Variants in KRR1 observed in about 807,000 individuals in gnomAD.
KRR1 encodes the protein KRR1 small subunit processome component.
KRR1 carries 23 observed loss-of-function variants against 50.0 expected under a neutral mutation model. The ratio of observed to expected loss-of-function variants is 0.46; its 90% CI spans 0.33 to 0.65. KRR1 has a LOEUF of 0.65. KRR1 is among the 30% of genes least tolerant of loss of function. The pLI is 0.02. For missense variants in KRR1, 419 were observed against 442.4 expected (o/e 0.95, Z 0.47); for synonymous variants, 133 against 146.3 (o/e 0.91, Z 0.66).
At position 75,506,796 on chromosome 12, in the gene KRR1, C is replaced by T; in HGVS notation, c.379G>A (p.Val127Ile). The change falls in exon 3 of 10, where the codon GTT becomes ATT. Residue 127 changes from valine to isoleucine, a missense_variant. Physicochemically the swap from Val to Ile is conservative, Grantham distance 29. Transcript: ENST00000229214. ...RDLIKLLARSVSFEQAVRILQ... is the reference protein window; with the variant it reads ...RDLIKLLARSISFEQAVRILQ... ...TCTAGATTTACCTGTTCAAATGAAA[C>T]ACTCCTTGCTAACAGTTTTATCAGA... 6.2e-7 allele frequency: 1 copy of T among 1,610,916 alleles called. No homozygotes were observed. Among genetic ancestry groups the T allele is most frequent in the Non-Finnish European group, 8.5e-7 (1 of 1,178,778 alleles).
rs2046365017 is a variant in KRR1, at chr12:75,498,400, T to C, written c.*1409A>G. 1 of 228,736 alleles carries C rather than the reference T, an allele frequency of 4.4e-6. No homozygotes were observed. The highest frequency in any genetic ancestry group is 2.3e-5 in the African/African-American group (1 of 43,970). 14.2% of individuals were successfully genotyped at this position (228,736 alleles called of 1,614,324 possible). A position where few individuals can be genotyped will look rare whatever the true frequency, so the allele number is the denominator to read the frequency against. On this transcript the variant is annotated 3_prime_UTR_variant, in exon 10 of 10. Coordinates refer to ENST00000229214, the MANE Select transcript of KRR1 (RefSeq NM_007043.7). ...CTCACATTCTAATATTTAATTTTTATTTTTTAAATTTTATTACCTGCTAGG... is the reference window on the plus strand; with the variant it reads ...CTCACATTCTAATATTTAATTTTTACTTTTTAAATTTTATTACCTGCTAGG...
intron 5 of KRR1, 88 bp from the exon 6 acceptor site, chr12:75,505,342 G>A: frequency 7.9e-7 from 1 of 1,265,574 alleles, no homozygotes; most frequent in Admixed American, 2.8e-5. Context: ...TCAGGTAATG[G>A]GTACCAAATT....
chr12:75,501,687 A>G (rs1400779864), intron 9 of KRR1, 36 bp downstream of exon 9: 1 of 1,353,506 alleles, frequency 7.4e-7, no homozygotes, highest in Non-Finnish European at 1.0e-6. Context: ...TACTTTTCCT[A>G]ATTAATAAAG....
chr12:75,497,128 T>A lies in KRR1; in HGVS notation c.*2681A>T, dbSNP rs2046356290. On this transcript the variant is annotated 3_prime_UTR_variant, in exon 10 of 10. Coordinates refer to ENST00000229214, the MANE Select transcript of KRR1 (RefSeq NM_007043.7). ...CAGTATGCCAAGTTTTGGTGCAATT[T>A]CCAGTTTGACCACTGTGACTTTGGG... The A allele has an allele frequency of 6.6e-6, 1 of 152,194 alleles. No individual in the cohort carries two copies. The highest frequency in any genetic ancestry group is 2.4e-5 in the African/African-American group (1 of 41,438). The allele number at this position is 152,194 out of a possible 1,614,324, so 9.4% of individuals were successfully genotyped here.
In KRR1 at chr12:75,495,331, C is replaced by T. The variant is rs2046343887; in HGVS notation, c.*4478G>A. The T allele has an allele frequency of 5.3e-6, 2 of 380,044 alleles. No individual in the cohort carries two copies. The highest frequency in any genetic ancestry group is 4.0e-5 in the Admixed American group (1 of 25,036). The allele number at this position is 380,044 out of a possible 1,614,324, so 23.5% of individuals were successfully genotyped here. ...ATCTGTAAAACAAGAATAACTTCCT[C>T]TCAGAGCTGTCACAATTAAATGGGA... On this transcript the variant is annotated 3_prime_UTR_variant, in exon 10 of 10. Transcript: ENST00000229214.
chr12:75,507,407 T>C (rs1253027394), intron 2 of KRR1, among the ~76,000 whole-genome samples: 1 of 152,172 alleles, frequency 6.6e-6, no homozygotes. Flanking sequence ...ATTAGAAAAC[T>C]TAAGCATTAA....
chr12:75,501,816 C>A lies in KRR1; in HGVS notation c.910G>T (p.Ala304Ser). 6.3e-7 allele frequency: 1 copy of A among 1,597,514 alleles called. No individual in the cohort carries two copies. Among genetic ancestry groups the A allele is most frequent in the African/African-American group, 1.3e-5 (1 of 74,280 alleles). ...KKRQKMEAIK[A>S]KQAEAISKRQ... ...TTACTGATGGCTTCTGCTTGTTTAG[C>A]CTACATTAATAAATAAAAAATATAT... is the stretch of plus-strand genomic sequence containing the variant. The change falls in exon 9 of 10, where the codon GCT (alanine) becomes TCT (serine). Residue 304 changes from alanine to serine, a missense_variant and splice_region_variant. Transcript: ENST00000229214.
intron 9 of KRR1, chr12:75,501,370 T>G (rs2120596491): frequency 5.3e-6 from 1 of 189,418 alleles, no homozygotes; most frequent in East Asian, 1.4e-4. Context: ...AAAGTACAAC[T>G]TCTGATAATT....
intron 2 of KRR1, among the ~76,000 whole-genome samples, chr12:75,507,695 T>C (rs890354714): frequency 2.0e-5 from 3 of 151,908 alleles, no homozygotes; most frequent in African/African-American, 7.3e-5. Flanking sequence ...ACCTAATACA[T>C]ATACACACAC....
Position 75,498,936 on chromosome 12 carries a change from T to A in KRR1, c.*873A>T. 2.5e-6 allele frequency: 4 copies of A among 1,609,888 alleles called. No individual in the cohort carries two copies. The highest frequency in any genetic ancestry group is 2.5e-6 in the Non-Finnish European group (3 of 1,177,250). On this transcript the variant is annotated 3_prime_UTR_variant, in exon 10 of 10. Coordinates refer to ENST00000229214, the MANE Select transcript of KRR1 (RefSeq NM_007043.7). Reference sequence around the variant, plus strand: ...TAATACTGTCTGTTATAATTACCATTTTGGTACAGCACAAGTACCCTAATT... The same window carrying A: ...TAATACTGTCTGTTATAATTACCATATTGGTACAGCACAAGTACCCTAATT...
chr12:75,511,253 T>C (rs1333497621), intron 1 of KRR1, among the ~76,000 whole-genome samples: 1 of 152,152 alleles, frequency 6.6e-6, no homozygotes, highest in African/African-American at 2.4e-5. Flanking sequence ...TTAATACTCA[T>C]CCTTTTACAA....
In KRR1 at chr12:75,501,728, TTAGGTTTCACAA is replaced by T; in HGVS notation, c.986_997del (p.Ile329_Pro332del). ...TACATCATAGAAAGCATTACCTTCC[TTAGGTTTCACAA>T]TTGGTTTTTCCTTAGGTGGAATAAA... On this transcript the variant is annotated inframe_deletion, in exon 9 of 10. Coordinates refer to ENST00000229214, the MANE Select transcript of KRR1 (RefSeq NM_007043.7). 6.3e-7 allele frequency: 1 copy of T among 1,598,014 alleles called. No individual in the cohort carries two copies. Among genetic ancestry groups the T allele is most frequent in the Non-Finnish European group, 8.6e-7 (1 of 1,167,046 alleles).
rs537522133 is a variant in KRR1 at position 75,495,909 on chromosome 12, T to C, written c.*3900A>G. 6 of 301,388 alleles carry C rather than the reference T, an allele frequency of 2.0e-5. No individual in the cohort carries two copies. The highest frequency in any genetic ancestry group is 8.7e-5 in the African/African-American group (4 of 46,030). The allele number at this position is 301,388 out of a possible 1,614,324, so 18.7% of individuals were successfully genotyped here. A position where few individuals can be genotyped will look rare whatever the true frequency, so the allele number is the denominator to read the frequency against. On this transcript the variant is annotated 3_prime_UTR_variant, in exon 10 of 10. Transcript: ENST00000229214. ...AACAACAAAAAAAACTGTCAGAAAC[T>C]GTAGACTAAGATTCCTAAGATTTGC...
chr12:75,511,509 T>A lies in KRR1; in HGVS notation c.85+4A>T, dbSNP rs1385556423. On this transcript the variant is annotated splice_donor_region_variant and intron_variant, in intron 1 of 9. Coordinates refer to ENST00000229214, the MANE Select transcript of KRR1 (RefSeq NM_007043.7). ...CCCAGGCTTCGGTTCCCACATAACA[T>A]CACCTTGGTTCTCCGGCTTCGGCTT... 6.2e-7 allele frequency: 1 copy of A among 1,613,644 alleles called. No homozygotes were observed. Among genetic ancestry groups the A allele is most frequent in the East Asian group, 2.2e-5 (1 of 44,884 alleles).
chr12:75,494,899 A>T lies in KRR1; in HGVS notation c.*4910T>A, dbSNP rs1260530534. The T allele has an allele frequency of 6.6e-6, 1 of 152,208 alleles. No homozygotes were observed. The highest frequency in any genetic ancestry group is 1.5e-5 in the Non-Finnish European group (1 of 68,034). The allele number at this position is 152,208 out of a possible 1,614,324, so 9.4% of individuals were successfully genotyped here. On this transcript the variant is annotated 3_prime_UTR_variant, in exon 10 of 10. Coordinates refer to ENST00000229214, the MANE Select transcript of KRR1 (RefSeq NM_007043.7). The stretch of plus-strand genomic sequence containing the variant: ...TAATGGGTATAAATAGACAACAGTA[A>T]CTTCCTCATAGGGTTTTTGTGAAGA...
rs147480080 is a variant in KRR1 at position 75,504,008 on chromosome 12, A to G, written c.727T>C (p.Leu243=). 1.2e-6 allele frequency: 2 copies of G among 1,612,554 alleles called. No homozygotes were observed. The highest frequency in any genetic ancestry group is 2.7e-5 in the African/African-American group (2 of 74,818). The change falls in exon 7 of 10, where the codon TTG becomes CTG. Residue 243 remains leucine, a synonymous_variant. Transcript: ENST00000229214. ...ACATTTTTGTGTTTGAACTGTGGCA[A>G]AAATCTCTCCCAACTTTGTGATCGT... ...ELRSQSWERF[L]PQFKHKNVNK...
chr12:75,506,377 CAATT>C lies in KRR1; in HGVS notation c.538_541del (p.Asn180ValfsTer19). 6.2e-7 allele frequency: 1 copy of C among 1,612,082 alleles called. No individual in the cohort carries two copies. Among genetic ancestry groups the C allele is most frequent in the Non-Finnish European group, 8.5e-7 (1 of 1,179,050 alleles). On this transcript the variant is annotated frameshift_variant, in exon 5 of 10. Transcript: ENST00000229214. LOFTEE classifies it high-confidence loss of function. ...TGTGTTTCCCTGAACCATAATGTAA[CAATT>C]AGTTAAGAGTTCCAATGCCTGTATC...
At position 75,501,916 on chromosome 12, in the gene KRR1, G is replaced by A; in HGVS notation, c.909+7C>T. The A allele has an allele frequency of 1.2e-6, 2 of 1,607,372 alleles. No individual in the cohort carries two copies. ...TATTCATGTGAGCCAGACATAAAGT[G>A]CCGTACCTTTATTGCTTCCATTTTC... On this transcript the variant is annotated splice_region_variant and intron_variant, in intron 8 of 9. Coordinates refer to ENST00000229214, the MANE Select transcript of KRR1 (RefSeq NM_007043.7).
intron 1 of KRR1, among the ~76,000 whole-genome samples, chr12:75,509,950 A>T (rs1420807695): frequency 1.3e-5 from 2 of 151,870 alleles, no homozygotes; most frequent in East Asian, 3.9e-4. Flanking sequence ...GCTATGGATA[A>T]TTTTTTTTAA....
Sources: gnomAD v4.1 joint callset for allele counts (sites outside exome capture counted in the v4.1 genomes callset) on GRCh38, gnomAD v4.1.1 for gene constraint, MANE v1.5 for transcripts, NCBI Gene and HGNC (gene_info 2026-07-23, HGNC 2026-07-21) for gene names.